The following PTPRD variants were observed in gnomAD, a reference collection of about 807,000 sequenced individuals.
The protein encoded by PTPRD is protein tyrosine phosphatase receptor type D, also known as receptor-type tyrosine-protein phosphatase delta.
PTPRD carries 34 observed loss-of-function variants against 214.5 expected under a neutral mutation model. That is an observed-to-expected ratio of 0.16 (90% CI 0.12 to 0.21). The LOEUF (loss-of-function observed/expected upper bound fraction) is 0.21. Among genes scored for constraint, PTPRD ranks in the 10% least tolerant of loss-of-function variants. The pLI is 1.00. For synonymous variants in PTPRD, 1,128 were observed against 845.7 expected (o/e 1.33, Z -5.79); for missense variants, 2,545 against 2,398.7 (o/e 1.06, Z -1.27).
chr9:8,525,199 G>A, intron 17 of PTPRD, 164 bp from the exon 18 acceptor site: 4 of 746,828 alleles, frequency 5.4e-6, no homozygotes, highest in Non-Finnish European at 9.7e-6. Context: ...GATGCGATGA[G>A]AAAAACATAT....
chr9:9,985,176 A>C (rs535792380), intron 4 of PTPRD, among the ~76,000 whole-genome samples: 2 of 152,316 alleles, frequency 1.3e-5, no homozygotes, highest in African/African-American at 4.8e-5. Context: ...CGTCTTCTCC[A>C]ATAAGGTCTG....
At chr9:8,903,918 C>T (rs1484620397) in intron 11 of PTPRD, among the ~76,000 whole-genome samples, 2 of 152,220 alleles carry the variant, frequency 1.3e-5, no homozygotes, top group African/African-American at 2.4e-5. Context: ...AAAAATGGCT[C>T]AAGGCAGTGT....
chr9:9,009,200 T>G (rs1178600255), intron 11 of PTPRD, among the ~76,000 whole-genome samples: 3 of 152,142 alleles, frequency 2.0e-5, no homozygotes, highest in Non-Finnish European at 4.4e-5. Context: ...TACAATGCAC[T>G]TTATATACAC....
At chr9:9,821,063 G>A (rs557506066) in intron 5 of PTPRD, among the ~76,000 whole-genome samples, 4 of 152,094 alleles carry the variant, frequency 2.6e-5, no homozygotes, top group South Asian at 2.1e-4. Flanking sequence ...ATATTGCTTC[G>A]GGCAGTATGT....
At chr9:9,417,936 T>C (rs1242963941) in intron 8 of PTPRD, among the ~76,000 whole-genome samples, 3 of 152,064 alleles carry the variant, frequency 2.0e-5, no homozygotes, top group Non-Finnish European at 4.4e-5. Context: ...GTTGATAAAA[T>C]ATCCAATTAG....
At chr9:9,823,150 T>C (rs1168932509) in intron 5 of PTPRD, among the ~76,000 whole-genome samples, 1 of 152,038 alleles carries the variant, frequency 6.6e-6, no homozygotes, top group Non-Finnish European at 1.5e-5. Context: ...TATAAAGAAA[T>C]ACCTGAGACT....
intron 2 of PTPRD, chr9:10,532,401 A>T (rs2056601726): frequency 6.6e-6 from 1 of 151,788 alleles, no homozygotes; most frequent in Non-Finnish European, 1.5e-5. Context: ...AATATTTCAA[A>T]TACAAAAAAT....
intron 3 of PTPRD, among the ~76,000 whole-genome samples, chr9:10,139,405 C>A (rs919354361): frequency 5.3e-5 from 8 of 151,722 alleles, no homozygotes; most frequent in Non-Finnish European, 1.0e-4. Context: ...AAAAACATTC[C>A]ATTCTCATGG....
rs558079624 is a variant in PTPRD, at chr9:9,550,782, A to G, written c.-237+23950T>C. 1.1e-4 allele frequency among the ~76,000 whole-genome samples: 16 copies of G among 151,980 alleles called. No individual in the cohort carries two copies. In the South Asian group the frequency reaches 3.3e-3, roughly 31 times the overall value. On this transcript the variant is annotated intron_variant, in intron 8 of 45. Coordinates refer to ENST00000381196, the MANE Select transcript of PTPRD (RefSeq NM_002839.4). ...TTCAACAATAAAAAAATAGCAAAGGAGCAAAAGACATGAACAGACATTTTA... is the reference window on the plus strand; with the variant it reads ...TTCAACAATAAAAAAATAGCAAAGGGGCAAAAGACATGAACAGACATTTTA...
chr9:10,593,997 T>C (rs1422595586), intron 2 of PTPRD, among the ~76,000 whole-genome samples: 5 of 151,954 alleles, frequency 3.3e-5, no homozygotes, highest in Non-Finnish European at 7.4e-5. Context: ...CATTAAGTTA[T>C]TAAAACGGGA....
Position 9,883,967 on chromosome 9 carries a change from C to CT in PTPRD, c.-368+54539dup, listed in dbSNP as rs542150168. On this transcript the variant is annotated intron_variant, in intron 5 of 45. Coordinates refer to ENST00000381196, the MANE Select transcript of PTPRD (RefSeq NM_002839.4). ...TTCAGTGAGTATTTGACATTTCTTC[C>CT]TTTTTTTTAAAGTCCTGGAACTTCC... 7.9e-5 allele frequency among the ~76,000 whole-genome samples: 12 copies of CT among 152,078 alleles called. No homozygotes were observed. In the South Asian group the frequency reaches 1.0e-3, roughly 13 times the overall value.
chr9:9,205,391 A>T (rs147488913), intron 9 of PTPRD, among the ~76,000 whole-genome samples: 297 of 152,298 alleles, frequency 2.0e-3, no homozygotes, highest in African/African-American at 6.9e-3. Context: ...ATGAGCAGGG[A>T]GCATGATCAT....
At chr9:10,564,971 A>G (rs1243416297) in intron 2 of PTPRD, among the ~76,000 whole-genome samples, 1 of 152,180 alleles carries the variant, frequency 6.6e-6, no homozygotes, top group African/African-American at 2.4e-5. Flanking sequence ...AAGTCCAACA[A>G]TGATGGCTTG....
At chr9:9,004,933 C>T (rs866234721) in intron 11 of PTPRD, among the ~76,000 whole-genome samples, 1 of 152,046 alleles carries the variant, frequency 6.6e-6, no homozygotes, top group African/African-American at 2.4e-5. Flanking sequence ...CACGGGGAAG[C>T]CAAAAATGAG....
At chr9:9,347,849 C>A (rs1459030510) in intron 9 of PTPRD, among the ~76,000 whole-genome samples, 1 of 152,074 alleles carries the variant, frequency 6.6e-6, no homozygotes, top group Non-Finnish European at 1.5e-5. Context: ...TGGAAGAATT[C>A]AAATCATCAC....
chr9:9,119,562 G>C (rs113670556), intron 10 of PTPRD, among the ~76,000 whole-genome samples: 7,640 of 150,956 alleles, frequency 0.051, 418 homozygotes, highest in African/African-American at 0.13. Flanking sequence ...AGAAGTCTCA[G>C]TCTGTAGCCC....
chr9:9,451,725 G>T (rs892853037), intron 8 of PTPRD, among the ~76,000 whole-genome samples: 9 of 151,558 alleles, frequency 5.9e-5, no homozygotes, highest in East Asian at 1.9e-4. Flanking sequence ...CAAGGAGTTA[G>T]AAAGCATTAA....
intron 10 of PTPRD, among the ~76,000 whole-genome samples, chr9:9,082,924 A>T (rs2099761409): frequency 6.6e-6 from 1 of 152,208 alleles, no homozygotes; most frequent in Non-Finnish European, 1.5e-5. Flanking sequence ...ATGGAAAAAC[A>T]TTCCATGCTC....
At chr9:8,567,466 G>A (rs2089696719) in intron 14 of PTPRD, among the ~76,000 whole-genome samples, 1 of 152,148 alleles carries the variant, frequency 6.6e-6, no homozygotes, top group Non-Finnish European at 1.5e-5. Flanking sequence ...CTTCACTAAG[G>A]ATACCACATT....
Sources: allele counts gnomAD v4.1 joint callset (sites outside exome capture counted in the v4.1 genomes callset), GRCh38; gene constraint gnomAD v4.1.1; transcripts MANE v1.5; gene names NCBI Gene and HGNC (gene_info 2026-07-23, HGNC 2026-07-21).